Variants in CIB1 observed in about 807,000 individuals in gnomAD.
The protein encoded by CIB1 is calcium and integrin binding 1.
CIB1 carries 19 observed loss-of-function variants against 25.0 expected under a neutral mutation model. That is an observed-to-expected ratio of 0.76 (90% CI 0.53 to 1.12). The LOEUF is 1.12. Ranked by LOEUF, CIB1 falls within the 50% of genes most tolerant of loss-of-function variation. The probability of loss-of-function intolerance (pLI) is 0.00; values close to 1 mark genes in which losing one functional copy is unlikely to be tolerated. For missense variants in CIB1, 236 were observed against 242.6 expected (o/e 0.97, Z 0.18); for synonymous variants, 104 against 98.5 (o/e 1.06, Z -0.33).
At chr15:90,260,939 G>C in the CIB1 span, among the ~76,000 whole-genome samples, 2 of 151,948 alleles carry the variant, frequency 1.3e-5, no homozygotes, top group Non-Finnish European at 2.9e-5. Context: ...GGCAGAGCCA[G>C]GATTCAAAGT....
the CIB1 span, chr15:90,264,666 G>A: frequency 2.6e-6 from 4 of 1,517,484 alleles, no homozygotes; most frequent in Non-Finnish European, 3.5e-6. Flanking sequence ...GGAAAGAGGT[G>A]AACAAATCTC....
Position 90,232,297 on chromosome 15 carries a change from G to T in CIB1, c.117C>A (p.Pro39=). The T allele has an allele frequency of 6.2e-7, 1 of 1,611,322 alleles. No individual in the cohort carries two copies. The highest frequency in any genetic ancestry group is 8.5e-7 in the Non-Finnish European group (1 of 1,178,018). The change falls in exon 3 of 7, where the codon CCC becomes CCA. Residue 39 remains proline, a synonymous_variant. Transcript: ENST00000328649. ...ACGACTCCACGCTCCGCTGCTCCTG[G>T]GGAAGCAGCTCACAAAACCGCCTGT... ...LAHRRFCELL[P]QEQRSVESSL...
At chr15:90,256,642 TTTC>T in the CIB1 span, among the ~76,000 whole-genome samples, 1 of 104,124 alleles carries the variant, frequency 9.6e-6, no homozygotes, top group African/African-American at 5.2e-5. Flanking sequence ...TCCTTCCTTC[TTTC>T]TTTCTCCCTT....
At chr15:90,257,173 A>G in the CIB1 span, 1 of 1,613,540 alleles carries the variant, frequency 6.2e-7, no homozygotes, top group Non-Finnish European at 8.5e-7. Flanking sequence ...TTGATATGCG[A>G]GTCTACGTCC....
the CIB1 span, among the ~76,000 whole-genome samples, chr15:90,254,491 TAAAA>T: frequency 4.7e-5 from 4 of 84,234 alleles, no homozygotes; most frequent in African/African-American, 8.6e-5. Context: ...AGACTCCATC[TAAAA>T]AAAAAAAAAA....
chr15:90,230,405 A>C lies in CIB1; in HGVS notation c.*79T>G, dbSNP rs1023886371. The C allele has an allele frequency of 9.2e-6, 14 of 1,523,410 alleles. No homozygotes were observed. The East Asian group carries it at 3.2e-4, about 35-fold the overall frequency. 94.4% of individuals were successfully genotyped at this position (1,523,410 alleles called of 1,614,324 possible). ...TGGGCCAGCTTGGCCCGCACTGGCA[A>C]CACAGGCTTGACCTTGGCCACAGCT... On this transcript the variant is annotated 3_prime_UTR_variant, in exon 7 of 7. Coordinates refer to ENST00000328649, the MANE Select transcript of CIB1 (RefSeq NM_006384.4).
At chr15:90,249,732 A>T in the CIB1 span, 1 of 152,244 alleles carries the variant, frequency 6.6e-6, no homozygotes, top group Non-Finnish European at 1.5e-5. Context: ...AAGAGGGGAC[A>T]TGAGCGGCCA....
chr15:90,265,652 C>G, the CIB1 span: 1 of 1,597,060 alleles, frequency 6.3e-7, no homozygotes, highest in African/African-American at 1.3e-5. Context: ...CACTTCCGGT[C>G]TTACCCGGCT....
the CIB1 span, among the ~76,000 whole-genome samples, chr15:90,261,820 G>A: frequency 1.4e-4 from 22 of 152,356 alleles, no homozygotes; most frequent in East Asian, 4.2e-3. Flanking sequence ...TGGAAGTCAA[G>A]CCTATTTTCA....
the CIB1 span, chr15:90,263,593 G>T: frequency 1.7e-6 from 1 of 576,132 alleles, no homozygotes; most frequent in Non-Finnish European, 3.1e-6. Flanking sequence ...AAACCTGTTG[G>T]GTCTTCTGTT....
chr15:90,265,073 A>T, the CIB1 span: 1 of 1,381,462 alleles, frequency 7.2e-7, no homozygotes. Flanking sequence ...CACTTTGAAA[A>T]GCCCTGCCCA....
the CIB1 span, chr15:90,257,279 C>T: frequency 6.2e-7 from 1 of 1,611,046 alleles, no homozygotes; most frequent in Admixed American, 1.7e-5. Flanking sequence ...CCATAACAAC[C>T]TGGTAAGGGG....
chr15:90,231,569 A>AT, intron 3 of CIB1, 62 bp from the exon 4 acceptor site: 1 of 1,573,436 alleles, frequency 6.4e-7, no homozygotes, highest in Non-Finnish European at 8.6e-7. Flanking sequence ...CCTACCAGAA[A>AT]CTTGAGAGAG....
chr15:90,234,175 G>C, upstream of CIB1: 1 of 283,130 alleles, frequency 3.5e-6, no homozygotes, highest in Admixed American at 5.2e-5. Context: ...GGGAGGGGGG[G>C]GCGGGCCACG....
At chr15:90,236,750 A>T (rs946302382), upstream of CIB1, among the ~76,000 whole-genome samples, 1 of 150,824 alleles carries the variant, frequency 6.6e-6, no homozygotes, top group African/African-American at 2.4e-5. Flanking sequence ...GTCGGCCAGG[A>T]TGGTCTCGAT....
chr15:90,231,262 G>T (rs374226647), intron 4 of CIB1, 49 bp from the exon 5 acceptor site: 39 of 1,609,146 alleles, frequency 2.4e-5, no homozygotes, highest in Non-Finnish European at 3.2e-5. Context: ...GAGGGGCTCT[G>T]AGGTTCCCCA....
At chr15:90,262,954 T>C in the CIB1 span, 2 of 1,534,954 alleles carry the variant, frequency 1.3e-6, no homozygotes, top group Non-Finnish European at 1.7e-6. Context: ...TTATCTCTCA[T>C]GTACCTTGTA....
the CIB1 span, chr15:90,241,361 A>C: frequency 1.9e-6 from 3 of 1,614,190 alleles, no homozygotes; most frequent in East Asian, 4.5e-5. Context: ...TGCTGCAAGA[A>C]GACATCCTGG....
chr15:90,251,524 T>G, the CIB1 span: 1 of 1,607,970 alleles, frequency 6.2e-7, no homozygotes, highest in Non-Finnish European at 8.5e-7. Flanking sequence ...CCTCCCACTC[T>G]TCCTGATTTA....
Sources: allele counts gnomAD v4.1 joint callset (sites outside exome capture counted in the v4.1 genomes callset), GRCh38; gene constraint gnomAD v4.1.1; transcripts MANE v1.5; gene names NCBI Gene and HGNC (gene_info 2026-07-23, HGNC 2026-07-21).